Variants in NR2F1-AS1 observed in about 807,000 individuals in gnomAD.
The protein encoded by NR2F1-AS1 is NR2F1 regulatory antisense RNA 1.
At chr5:93,433,507 T>C (rs1749369535) in intron 4 of NR2F1-AS1, among the ~76,000 whole-genome samples, 1 of 152,212 alleles carries the variant, frequency 6.6e-6, no homozygotes, top group Non-Finnish European at 1.5e-5. Context: ...CAGTCATACA[T>C]TGCTTAACAA....
At chr5:93,520,061 T>C (rs1751472588) in intron 4 of NR2F1-AS1, among the ~76,000 whole-genome samples, 1 of 152,170 alleles carries the variant, frequency 6.6e-6, no homozygotes, top group South Asian at 2.1e-4. Flanking sequence ...CTATTTTCAG[T>C]AATATATAGA....
At chr5:93,476,513 T>C (rs930689302) in intron 4 of NR2F1-AS1, among the ~76,000 whole-genome samples, 1 of 152,212 alleles carries the variant, frequency 6.6e-6, no homozygotes, top group African/African-American at 2.4e-5. Context: ...ATGTGCTAAT[T>C]GACAGTTCCT....
At chr5:93,522,845 T>C (rs144053125) in intron 4 of NR2F1-AS1, among the ~76,000 whole-genome samples, 2,200 of 152,268 alleles carry the variant, frequency 0.014, 62 homozygotes, top group African/African-American at 0.05. Flanking sequence ...GTCTTTGCAA[T>C]CTGCAGACCA....
At chr5:93,413,631 T>G (rs767664639) in intron 4 of NR2F1-AS1, among the ~76,000 whole-genome samples, 1 of 152,172 alleles carries the variant, frequency 6.6e-6, no homozygotes, top group Non-Finnish European at 1.5e-5. Context: ...GTATTAAATA[T>G]CTGAGGTGTA....
intron 4 of NR2F1-AS1, among the ~76,000 whole-genome samples, chr5:93,534,334 T>G (rs1318698054): frequency 1.3e-5 from 2 of 152,168 alleles, no homozygotes; most frequent in Non-Finnish European, 1.5e-5. Context: ...AAGATGCCAA[T>G]ACATGTGTTC....
At chr5:93,577,976 T>A (rs980898364) in intron 1 of NR2F1-AS1, among the ~76,000 whole-genome samples, 6 of 152,158 alleles carry the variant, frequency 3.9e-5, no homozygotes, top group Admixed American at 2.6e-4. Flanking sequence ...TTAGAAAATG[T>A]TTTTACAAGG....
chr5:93,466,258 C>T (rs887262433), intron 4 of NR2F1-AS1, among the ~76,000 whole-genome samples: 2 of 151,798 alleles, frequency 1.3e-5, no homozygotes, highest in Non-Finnish European at 2.9e-5. Context: ...CCCACTTTTG[C>T]CATCTCTTTT....
chr5:93,441,615 A>C (rs1001179024), intron 4 of NR2F1-AS1, among the ~76,000 whole-genome samples: 1 of 152,226 alleles, frequency 6.6e-6, no homozygotes, highest in African/African-American at 2.4e-5. Flanking sequence ...GTTCTTTTAG[A>C]TATGGAAAAC....
intron 4 of NR2F1-AS1, among the ~76,000 whole-genome samples, chr5:93,488,113 A>G (rs1195674699): frequency 6.6e-6 from 1 of 152,246 alleles, no homozygotes; most frequent in East Asian, 1.9e-4. Context: ...AAAGACTTAA[A>G]TGTAAGACCT....
At chr5:93,535,104 G>A (rs544074101) in intron 4 of NR2F1-AS1, among the ~76,000 whole-genome samples, 37 of 151,402 alleles carry the variant, frequency 2.4e-4, no homozygotes, top group Non-Finnish European at 4.9e-4. Context: ...AGTTACTAGA[G>A]CAAGAGATTT....
At chr5:93,423,325 T>C (rs1322679432) in intron 4 of NR2F1-AS1, 3 of 152,246 alleles carry the variant, frequency 2.0e-5, no homozygotes, top group South Asian at 2.1e-4. Context: ...TAAAATTACC[T>C]AAGAACTAGA....
At chr5:93,455,671 G>A (rs1472007685) in intron 4 of NR2F1-AS1, among the ~76,000 whole-genome samples, 1 of 152,060 alleles carries the variant, frequency 6.6e-6, no homozygotes, top group East Asian at 1.9e-4. Flanking sequence ...AATATCAGAT[G>A]AGGTAGACTT....
chr5:93,580,306 G>A (rs570427260), intron 1 of NR2F1-AS1, among the ~76,000 whole-genome samples: 2 of 152,370 alleles, frequency 1.3e-5, no homozygotes, highest in South Asian at 4.1e-4. Context: ...CCGAGCGAGG[G>A]CAACTCCCGA....
At chr5:93,533,587 G>A (rs1488557180) in intron 4 of NR2F1-AS1, among the ~76,000 whole-genome samples, 1 of 152,024 alleles carries the variant, frequency 6.6e-6, no homozygotes, top group Non-Finnish European at 1.5e-5. Context: ...TAGGAAAAGA[G>A]TTCTCTTTTT....
At chr5:93,505,763 G>A (rs1751173014) in intron 4 of NR2F1-AS1, among the ~76,000 whole-genome samples, 1 of 152,172 alleles carries the variant, frequency 6.6e-6, no homozygotes, top group Non-Finnish European at 1.5e-5. Flanking sequence ...GGGACCCTGG[G>A]CCTGGCCCCA....
intron 4 of NR2F1-AS1, among the ~76,000 whole-genome samples, chr5:93,521,568 T>C (rs1751502359): frequency 6.6e-6 from 1 of 152,042 alleles, no homozygotes; most frequent in South Asian, 2.1e-4. Flanking sequence ...GAACAGACGC[T>C]TTTCAAAAGA....
intron 4 of NR2F1-AS1, among the ~76,000 whole-genome samples, chr5:93,444,592 A>G (rs1749651864): frequency 6.6e-6 from 1 of 152,198 alleles, no homozygotes; most frequent in African/African-American, 2.4e-5. Context: ...CTCCCACACA[A>G]AAATAATGGG....
intron 4 of NR2F1-AS1, among the ~76,000 whole-genome samples, chr5:93,506,622 C>T (rs1414152470): frequency 6.6e-5 from 10 of 152,056 alleles, no homozygotes; most frequent in African/African-American, 4.8e-5. Flanking sequence ...AACAAGCAAG[C>T]CCATCATATT....
At chr5:93,470,213 T>C (rs1318029403) in intron 4 of NR2F1-AS1, among the ~76,000 whole-genome samples, 1 of 151,956 alleles carries the variant, frequency 6.6e-6, no homozygotes, top group Non-Finnish European at 1.5e-5. Context: ...GTACCTAATA[T>C]ACTTAGAAAT....
Sources: allele counts gnomAD v4.1 joint callset (sites outside exome capture counted in the v4.1 genomes callset), GRCh38; gene constraint gnomAD v4.1.1; transcripts MANE v1.5; gene names NCBI Gene and HGNC (gene_info 2026-07-23, HGNC 2026-07-21).